The following SWT1 variants were observed in gnomAD, a reference collection of about 807,000 sequenced individuals.
The protein encoded by SWT1 is transcriptional protein SWT1.
A neutral mutation model predicts 107.3 loss-of-function variants in SWT1; 33 were observed. The ratio of observed to expected loss-of-function variants is 0.31; its 90% CI spans 0.23 to 0.41. The LOEUF is 0.41. Ranked by LOEUF, SWT1 falls within the 10% of genes least tolerant of loss-of-function variation. The pLI, the probability that SWT1 is intolerant of heterozygous loss-of-function variation, is 1.00. For missense variants in SWT1, 898 were observed against 1,028.9 expected (o/e 0.87, Z 1.74); for synonymous variants, 345 against 348.3 (o/e 0.99, Z 0.11).
chr1:185,245,425 C>A (rs1661538044), intron 16 of SWT1, among the ~76,000 whole-genome samples: 1 of 152,180 alleles, frequency 6.6e-6, no homozygotes, highest in Admixed American at 6.5e-5. Context: ...GTGCCTTCTT[C>A]TGAAATACCT....
intron 18 of SWT1, among the ~76,000 whole-genome samples, chr1:185,278,227 C>T (rs1227660756): frequency 6.6e-6 from 1 of 152,156 alleles, no homozygotes; most frequent in Non-Finnish European, 1.5e-5. Flanking sequence ...ATCTAATCCC[C>T]AATATGATAG....
intron 17 of SWT1, 91 bp downstream of exon 17, chr1:185,271,480 G>T: frequency 1.5e-6 from 1 of 666,262 alleles, no homozygotes; most frequent in South Asian, 1.8e-5. Flanking sequence ...AAACATAGTG[G>T]AATGCTATTT....
rs117715721 is a variant in SWT1 at position 185,257,734 on chromosome 1, C to T, written c.2442-13589C>T. 7.8e-3 allele frequency among the ~76,000 whole-genome samples: 1,188 copies of T among 152,348 alleles called. 35 individuals are homozygous for T. The East Asian group carries it at 0.093, about 12-fold the overall frequency. On this transcript the variant is annotated intron_variant, in intron 16 of 18. Transcript: ENST00000367500. ...TCTCAGATGGAAATGCAGAAATCACCGCCTTCTGCGTCGCTCACGCTGGTA... is the reference window on the plus strand; with the variant it reads ...TCTCAGATGGAAATGCAGAAATCACTGCCTTCTGCGTCGCTCACGCTGGTA...
Position 185,290,833 on chromosome 1 carries a change from A to G in SWT1, c.*30A>G. The G allele has an allele frequency of 6.3e-7, 1 of 1,582,342 alleles. No individual in the cohort carries two copies. Among genetic ancestry groups the G allele is most frequent in the Non-Finnish European group, 8.6e-7 (1 of 1,161,972 alleles). On this transcript the variant is annotated 3_prime_UTR_variant, in exon 19 of 19. Coordinates refer to ENST00000367500, the MANE Select transcript of SWT1 (RefSeq NM_017673.7). ...TGATTTGTAACTTTAAAGGAATTGCATTTGTCCTTAAGAATAACAGAGTAG... is the reference window on the plus strand; with the variant it reads ...TGATTTGTAACTTTAAAGGAATTGCGTTTGTCCTTAAGAATAACAGAGTAG...
chr1:185,215,231 C>A (rs1571525772), intron 14 of SWT1, among the ~76,000 whole-genome samples: 1 of 152,162 alleles, frequency 6.6e-6, no homozygotes, highest in Non-Finnish European at 1.5e-5. Flanking sequence ...ACCCACCTGT[C>A]TGTCTGTCCA....
intron 10 of SWT1, among the ~76,000 whole-genome samples, chr1:185,192,848 A>G (rs1350318923): frequency 6.6e-6 from 1 of 151,988 alleles, no homozygotes; most frequent in South Asian, 2.1e-4. Context: ...GGGTTTCGCC[A>G]TATCGGTCAG....
chr1:185,231,754 C>A, intron 16 of SWT1, 46 bp downstream of exon 16: 1 of 1,496,992 alleles, frequency 6.7e-7, no homozygotes, highest in Non-Finnish European at 9.2e-7. Context: ...TATTACTTTT[C>A]TCTTTCTCCT....
chr1:185,165,728 C>G (rs1654514435), intron 2 of SWT1, among the ~76,000 whole-genome samples: 1 of 152,252 alleles, frequency 6.6e-6, no homozygotes, highest in African/African-American at 2.4e-5. Flanking sequence ...TCCCATCCCC[C>G]TGACACTCTC....
chr1:185,232,362 G>T (rs1414021305), intron 16 of SWT1, among the ~76,000 whole-genome samples: 1 of 152,068 alleles, frequency 6.6e-6, no homozygotes, highest in East Asian at 1.9e-4. Flanking sequence ...ACTCTAGATT[G>T]CATAAAAGCC....
intron 16 of SWT1, among the ~76,000 whole-genome samples, chr1:185,254,681 T>C (rs1662338458): frequency 6.6e-6 from 1 of 152,062 alleles, no homozygotes; most frequent in Admixed American, 6.6e-5. Flanking sequence ...TTTTTCTTTA[T>C]TAGTCTTGCT....
At chr1:185,204,329 A>T (rs960270387) in intron 11 of SWT1, among the ~76,000 whole-genome samples, 1 of 152,100 alleles carries the variant, frequency 6.6e-6, no homozygotes, top group Admixed American at 6.5e-5. Context: ...ACCCATTTTG[A>T]TCCATAGTTC....
chr1:185,199,948 T>C (rs1312955496), intron 10 of SWT1, among the ~76,000 whole-genome samples: 2 of 152,180 alleles, frequency 1.3e-5, no homozygotes, highest in East Asian at 3.9e-4. Flanking sequence ...TGTTCCTTTT[T>C]ATTCTTTTTT....
At chr1:185,182,804 A>G (rs1656137948) in intron 7 of SWT1, among the ~76,000 whole-genome samples, 2 of 152,122 alleles carry the variant, frequency 1.3e-5, no homozygotes, top group Non-Finnish European at 1.5e-5. Context: ...AGATTATCCA[A>G]AATCTATCAG....
At chr1:185,261,035 T>C (rs1662980349) in intron 16 of SWT1, among the ~76,000 whole-genome samples, 1 of 152,150 alleles carries the variant, frequency 6.6e-6, no homozygotes, top group Non-Finnish European at 1.5e-5. Context: ...AACTTACAGT[T>C]TATCTTCTTA....
chr1:185,277,150 T>G (rs899233667), intron 18 of SWT1, among the ~76,000 whole-genome samples: 4 of 152,242 alleles, frequency 2.6e-5, no homozygotes, highest in Non-Finnish European at 5.9e-5. Context: ...ACAACTGCTT[T>G]TGCATTCAAT....
chr1:185,217,940 G>A (rs951744354), intron 14 of SWT1, among the ~76,000 whole-genome samples: 1 of 152,136 alleles, frequency 6.6e-6, no homozygotes, highest in Non-Finnish European at 1.5e-5. Flanking sequence ...TAGAAATAAA[G>A]TGCACAATAA....
chr1:185,223,533 C>G (rs1374632589), intron 15 of SWT1, among the ~76,000 whole-genome samples: 1 of 152,058 alleles, frequency 6.6e-6, no homozygotes, highest in Non-Finnish European at 1.5e-5. Context: ...GAGGTGGTGT[C>G]TCAGTGTGAT....
intron 10 of SWT1, among the ~76,000 whole-genome samples, chr1:185,200,643 C>G (rs372800630): frequency 2.0e-4 from 31 of 152,152 alleles, no homozygotes; most frequent in African/African-American, 7.0e-4. Context: ...GAGGGGCACC[C>G]GCCAGATGCC....
intron 14 of SWT1, among the ~76,000 whole-genome samples, chr1:185,218,008 A>C (rs140605323): frequency 6.6e-6 from 1 of 152,342 alleles, no homozygotes; most frequent in Non-Finnish European, 1.5e-5. Flanking sequence ...CCATGGAAAA[A>C]TTATCTTCCA....
Sources: gnomAD v4.1 joint callset for allele counts (sites outside exome capture counted in the v4.1 genomes callset) on GRCh38, gnomAD v4.1.1 for gene constraint, MANE v1.5 for transcripts, NCBI Gene and HGNC (gene_info 2026-07-23, HGNC 2026-07-21) for gene names.